PDE6A: variants seen among roughly 807,000 people sequenced by gnomAD.
PDE6A encodes the protein rod cGMP-specific 3',5'-cyclic phosphodiesterase subunit alpha.
Under a neutral mutation model 106.3 loss-of-function variants are expected in PDE6A, and 84 were observed. The observed-to-expected ratio is 0.79, with a 90% CI of 0.66 to 0.95. The LOEUF is 0.95. Ranked by LOEUF, PDE6A falls within the 40% of genes least tolerant of loss-of-function variation. The probability of loss-of-function intolerance (pLI) is 0.00; values close to 1 mark genes in which losing one functional copy is unlikely to be tolerated. For missense variants in PDE6A, 1,052 were observed against 1,084.9 expected (o/e 0.97, Z 0.43); for synonymous variants, 394 against 386.6 (o/e 1.02, Z -0.23).
At chr5:149,898,616 G>T in intron 9 of PDE6A, 110 bp from the exon 10 acceptor site, 1 of 1,157,310 alleles carries the variant, frequency 8.6e-7, no homozygotes, top group Non-Finnish European at 1.2e-6. Context: ...TATAAAATGG[G>T]TTTGATAAGC....
At chr5:149,919,141 G>A (rs1753634248) in intron 5 of PDE6A, among the ~76,000 whole-genome samples, 1 of 152,126 alleles carries the variant, frequency 6.6e-6, no homozygotes, top group African/African-American at 2.4e-5. Context: ...CTCCTGGCAG[G>A]CTCAGGGCTT....
chr5:149,883,944 A>G (rs1003660133), intron 16 of PDE6A, among the ~76,000 whole-genome samples: 1 of 152,126 alleles, frequency 6.6e-6, no homozygotes, highest in East Asian at 1.9e-4. Flanking sequence ...TGTAATCCCA[A>G]TACTTTGGGA....
At chr5:149,910,494 G>T (rs928118832) in intron 6 of PDE6A, among the ~76,000 whole-genome samples, 1 of 151,826 alleles carries the variant, frequency 6.6e-6, no homozygotes, top group African/African-American at 2.4e-5. Flanking sequence ...TTTATACACA[G>T]ATTTTTTATC....
In PDE6A at chr5:149,931,104, T is replaced by C; in HGVS notation, c.782A>G (p.Lys261Arg). 1 of 1,614,110 alleles carries C rather than the reference T, an allele frequency of 6.2e-7. No individual in the cohort carries two copies. The highest frequency in any genetic ancestry group is 1.1e-5 in the South Asian group (1 of 91,078). ...GAAAGCACGGACTGTGTACAGGGCT[T>C]TGTGGAACTGTCGTTCGATGTCCGT... ...ELTDIERQFH[K>R]ALYTVRAFLN... Residue 261 changes from lysine (K) to arginine (R), a missense_variant, in exon 4 of 22, where the codon AAA becomes AGA. By Grantham distance (26) the Lys-to-Arg change is conservative (BLOSUM62 2). Around this residue, in one of 3 missense-constraint regions of PDE6A, gnomAD observed 913 missense variants for 915.2 expected, o/e 1.00. Transcript: ENST00000255266.
chr5:149,875,487 ATTT>A (rs201444448), intron 17 of PDE6A, among the ~76,000 whole-genome samples: 4 of 137,828 alleles, frequency 2.9e-5, no homozygotes. Context: ...CATACTGACT[ATTT>A]TTTTTTTTTT....
rs148911810 is a variant in PDE6A, at chr5:149,885,054, C to T, written c.1839-187G>A. ...CCCCAGAGAAAGCCACAAACACACA[C>T]AATGCCATAAGGGATTTTAGGGACA... is the stretch of plus-strand genomic sequence containing the variant. On this transcript the variant is annotated intron_variant, in intron 14 of 21. Transcript: ENST00000255266. Among the ~76,000 whole-genome samples, 428 of 152,316 alleles carry T rather than the reference C, an allele frequency of 2.8e-3. 8 individuals carry two copies. The highest frequency in any genetic ancestry group is 8.3e-3 in the East Asian group (43 of 5,190).
At chr5:149,886,665 A>C (rs1016530601) in intron 13 of PDE6A, among the ~76,000 whole-genome samples, 6 of 152,198 alleles carry the variant, frequency 3.9e-5, no homozygotes, top group African/African-American at 1.4e-4. Context: ...TCGGTAGCCC[A>C]ATCTCCATAA....
At position 149,866,195 on chromosome 5, in the gene PDE6A, T is replaced by A; in HGVS notation, c.2333A>T (p.Asp778Val). ...CTTGTAGACGAAGGTGCAAACAAAG[T>A]CAATGAAGCCGACTTGAAGCTTAGG... ...ELPKLQVGFI[D>V]FVCTFVYKEF... Residue 778 changes from aspartate (D) to valine (V), a missense_variant, in exon 20 of 22, where the codon GAC becomes GTC. Asp to Val is a radical substitution (Grantham distance 152, BLOSUM62 -3). This residue lies in a region of PDE6A where 135 missense variants were observed against 153.2 expected (regional missense o/e 0.88). Transcript: ENST00000255266. The A allele has an allele frequency of 5.6e-6, 9 of 1,613,978 alleles. No individual in the cohort carries two copies. Among genetic ancestry groups the A allele is most frequent in the Non-Finnish European group, 6.8e-6 (8 of 1,179,812 alleles).
chr5:149,903,279 G>C (rs1241980562), intron 8 of PDE6A, among the ~76,000 whole-genome samples: 1 of 149,474 alleles, frequency 6.7e-6, no homozygotes, highest in Non-Finnish European at 1.5e-5. Context: ...TGGAGCTTTT[G>C]TATATTATAT....
At chr5:149,931,248 T>C (rs1169207276) in intron 3 of PDE6A, 80 bp from the exon 4 acceptor site, 1 of 1,347,808 alleles carries the variant, frequency 7.4e-7, no homozygotes, top group African/African-American at 1.4e-5. Flanking sequence ...ACAACAATTC[T>C]GTAAAGTTGT....
At chr5:149,912,495 A>G (rs961540027) in intron 6 of PDE6A, among the ~76,000 whole-genome samples, 2 of 152,202 alleles carry the variant, frequency 1.3e-5, no homozygotes, top group Non-Finnish European at 2.9e-5. Context: ...AGCTTTGACC[A>G]ATAAAATGTG....
chr5:149,900,120 G>A (rs1752910687), intron 8 of PDE6A, among the ~76,000 whole-genome samples: 1 of 151,954 alleles, frequency 6.6e-6, no homozygotes, highest in South Asian at 2.1e-4. Context: ...TTGGGAAGTC[G>A]AGGCAGGCGG....
chr5:149,919,047 G>A (rs1449189826), intron 5 of PDE6A, among the ~76,000 whole-genome samples: 1 of 152,084 alleles, frequency 6.6e-6, no homozygotes, highest in East Asian at 1.9e-4. Flanking sequence ...CCTGCGAGGG[G>A]GAGGAGGCAG....
In PDE6A at chr5:149,859,421, A is replaced by C. The variant is rs1760051474; in HGVS notation, c.*1474T>G. 1 of 152,194 alleles carries C rather than the reference A, an allele frequency of 6.6e-6. No homozygotes were observed. The highest frequency in any genetic ancestry group is 1.5e-5 in the Non-Finnish European group (1 of 68,038). 9.4% of individuals were successfully genotyped at this position (152,194 alleles called of 1,614,324 possible). A position where few individuals can be genotyped will look rare whatever the true frequency, so the allele number is the denominator to read the frequency against. ...TCCCAGAAAGCAGACTCTAAAATGG[A>C]CTTAGTCTGCAGGATGCTTATTAAG... is the stretch of plus-strand genomic sequence containing the variant. On this transcript the variant is annotated 3_prime_UTR_variant, in exon 22 of 22. Transcript: ENST00000255266.
intron 1 of PDE6A, among the ~76,000 whole-genome samples, chr5:149,943,087 A>T (rs866193933): frequency 4.6e-5 from 7 of 151,948 alleles, no homozygotes; most frequent in Middle Eastern, 3.2e-3. Context: ...CCTTCCCATG[A>T]GGCCATATCT....
chr5:149,921,666 G>A lies in PDE6A; in HGVS notation c.902C>T (p.Pro301Leu). 1 of 1,613,920 alleles carries A rather than the reference G, an allele frequency of 6.2e-7. No homozygotes were observed. Among genetic ancestry groups the A allele is most frequent in the Non-Finnish European group, 8.5e-7 (1 of 1,179,840 alleles). The change falls in exon 5 of 22, where the codon CCT becomes CTT. Residue 301 changes from proline to leucine, a missense_variant. By Grantham distance (98) the Pro-to-Leu change is moderately conservative (BLOSUM62 -3). This residue lies in a region of PDE6A where 913 missense variants were observed against 915.2 expected (regional missense o/e 1.00). Coordinates refer to ENST00000255266, the MANE Select transcript of PDE6A (RefSeq NM_000440.3). ...ATCCGGAGTCCTGGGACCAGAGTAAGGTGGAACTTCACCCATCAGAACCGG... is the reference window on the plus strand; with the variant it reads ...ATCCGGAGTCCTGGGACCAGAGTAAAGTGGAACTTCACCCATCAGAACCGG... Reference protein sequence around the residue: ...VWPVLMGEVPPYSGPRTPDGR... With the variant: ...VWPVLMGEVPLYSGPRTPDGR...
chr5:149,915,592 G>A (rs1753527222), intron 5 of PDE6A, among the ~76,000 whole-genome samples: 1 of 152,160 alleles, frequency 6.6e-6, no homozygotes, highest in Non-Finnish European at 1.5e-5. Context: ...GCAGCTCACA[G>A]TGATCAGGAA....
chr5:149,935,835 A>G (rs994874447), intron 1 of PDE6A, among the ~76,000 whole-genome samples: 1 of 152,204 alleles, frequency 6.6e-6, no homozygotes, highest in Non-Finnish European at 1.5e-5. Flanking sequence ...TACTTCATAG[A>G]GCCAATTCAC....
chr5:149,920,994 GAA>G lies in PDE6A; in HGVS notation c.933+639_933+640del, dbSNP rs753860545. On this transcript the variant is annotated intron_variant, in intron 5 of 21. Transcript: ENST00000255266. ...AGAAAGAAAGAAAGAAAGAAAGAAA[GAA>G]AAAGAAAGAAAATAGAAAACCTACG... Among the ~76,000 whole-genome samples, 95 of 135,580 alleles carry G rather than the reference GAA, an allele frequency of 7.0e-4. 1 individual carries two copies. The highest frequency in any genetic ancestry group is 2.4e-3 in the African/African-American group (91 of 38,330). 88.9% of individuals were successfully genotyped at this position (135,580 alleles called of 152,430 possible). A position where few individuals can be genotyped will look rare whatever the true frequency, so the allele number is the denominator to read the frequency against.
Sources: gnomAD v4.1 joint callset for allele counts (sites outside exome capture counted in the v4.1 genomes callset) on GRCh38, gnomAD v4.1.1 for gene constraint, gnomAD v4.1.1 regional missense constraint, MANE v1.5 for transcripts, NCBI Gene and HGNC (gene_info 2026-07-23, HGNC 2026-07-21) for gene names.